LCORL: variants seen among roughly 807,000 people sequenced by gnomAD.
LCORL encodes ligand-dependent nuclear receptor corepressor-like protein.
In LCORL, 41 loss-of-function variants were observed where a neutral mutation model predicts 141.8. The observed-to-expected ratio is 0.29, with a 90% CI of 0.23 to 0.38. The LOEUF (loss-of-function observed/expected upper bound fraction) is 0.38, where lower values mean the gene tolerates loss of function less well. LCORL is among the 10% of genes least tolerant of loss of function. The pLI is 1.00. For synonymous variants in LCORL, 618 were observed against 694.1 expected, an observed-to-expected ratio of 0.89 and a Z score of 1.72; for missense variants, 1,759 against 2,035.0, an observed-to-expected ratio of 0.86 and a Z score of 2.61.
intron 1 of LCORL, among the ~76,000 whole-genome samples, chr4:18,008,445 C>T (rs1723156282): frequency 6.6e-6 from 1 of 152,156 alleles, no homozygotes. Flanking sequence ...AACAGCACTA[C>T]TAAAGTTTTA....
At chr4:17,967,721 A>G (rs1012019666) in intron 2 of LCORL, among the ~76,000 whole-genome samples, 2 of 152,190 alleles carry the variant, frequency 1.3e-5, no homozygotes, top group African/African-American at 4.8e-5. Flanking sequence ...CAGTCTTTGT[A>G]TTACAAGCAT....
At chr4:17,981,805 C>T (rs889915962) in intron 1 of LCORL, among the ~76,000 whole-genome samples, 1 of 152,014 alleles carries the variant, frequency 6.6e-6, no homozygotes, top group African/African-American at 2.4e-5. Context: ...CATAGGCAAA[C>T]TGATGTCACA....
At chr4:17,922,692 C>A (rs1045121066) in intron 4 of LCORL, among the ~76,000 whole-genome samples, 3 of 152,112 alleles carry the variant, frequency 2.0e-5, no homozygotes, top group African/African-American at 7.2e-5. Context: ...AAGGTGCACA[C>A]ACAGCCTCGC....
At chr4:17,888,458 A>G (rs546683329) in intron 5 of LCORL, among the ~76,000 whole-genome samples, 5 of 152,168 alleles carry the variant, frequency 3.3e-5, no homozygotes, top group African/African-American at 1.2e-4. Flanking sequence ...TATGCCTCTC[A>G]AACTGCAGTA....
intron 2 of LCORL, among the ~76,000 whole-genome samples, chr4:17,967,606 T>C (rs1715159499): frequency 6.6e-6 from 1 of 152,174 alleles, no homozygotes; most frequent in Non-Finnish European, 1.5e-5. Flanking sequence ...TTACCACAAA[T>C]ATTTCCCATA....
chr4:18,010,722 G>A (rs1993637), intron 1 of LCORL, among the ~76,000 whole-genome samples: 10,629 of 152,088 alleles, frequency 0.07, 1,280 homozygotes, highest in African/African-American at 0.24. Flanking sequence ...AAAGCGCTGG[G>A]ATTACAAACG....
chr4:17,894,057 T>C (rs1184593780), intron 5 of LCORL, among the ~76,000 whole-genome samples: 1 of 152,104 alleles, frequency 6.6e-6, no homozygotes, highest in Non-Finnish European at 1.5e-5. Context: ...CCTCAGCATC[T>C]CAAAGTGCTG....
intron 5 of LCORL, among the ~76,000 whole-genome samples, chr4:17,901,804 A>G (rs1264023736): frequency 6.6e-6 from 1 of 152,168 alleles, no homozygotes; most frequent in African/African-American, 2.4e-5. Context: ...AAGACCAAAT[A>G]AACAGCAGAT....
chr4:18,001,168 C>A (rs571910392), intron 1 of LCORL, among the ~76,000 whole-genome samples: 1 of 152,122 alleles, frequency 6.6e-6, no homozygotes, highest in Non-Finnish European at 1.5e-5. Flanking sequence ...GAGACCCTGT[C>A]TCATAAACAA....
At chr4:17,881,084 T>C (rs1013448595) in intron 6 of LCORL, 4 of 982,088 alleles carry the variant, frequency 4.1e-6, no homozygotes, top group Non-Finnish European at 4.8e-6. Context: ...TGTCATTAGC[T>C]ACCAGAAATG....
At chr4:17,999,605 T>C (rs994139124) in intron 1 of LCORL, among the ~76,000 whole-genome samples, 4 of 152,340 alleles carry the variant, frequency 2.6e-5, no homozygotes, top group East Asian at 1.9e-4. Context: ...AATAAGTAAT[T>C]TGCAAGAGCA....
chr4:17,881,753 C>T (rs1476607491), intron 6 of LCORL: 8 of 962,264 alleles, frequency 8.3e-6, no homozygotes, highest in East Asian at 2.3e-4. Flanking sequence ...TTATGTAATG[C>T]ATTCAAAGCC....
At chr4:17,939,401 T>C (rs1737447708) in intron 4 of LCORL, among the ~76,000 whole-genome samples, 1 of 152,180 alleles carries the variant, frequency 6.6e-6, no homozygotes, top group Admixed American at 6.5e-5. Context: ...ATAATATAAA[T>C]AGGTTTTATG....
At chr4:17,899,426 G>A (rs1730535751) in intron 5 of LCORL, among the ~76,000 whole-genome samples, 1 of 152,186 alleles carries the variant, frequency 6.6e-6, no homozygotes, top group African/African-American at 2.4e-5. Flanking sequence ...CAGCCCTGAA[G>A]TACAGTGGGC....
In LCORL at chr4:17,925,699, G is replaced by A. The variant is rs576502969; in HGVS notation, c.431-16354C>T. On this transcript the variant is annotated intron_variant, in intron 4 of 7. Transcript: ENST00000635767. ...ATCCTGGCTAACATGGTGAAACCCC[G>A]TCTCTACTAAAAATACAAAAAATTA... 4.6e-4 allele frequency among the ~76,000 whole-genome samples: 70 copies of A among 151,702 alleles called. No homozygotes were observed. In the Middle Eastern group the frequency reaches 0.02, roughly 44 times the overall value.
At chr4:17,904,019 A>G (rs1731258023) in intron 5 of LCORL, among the ~76,000 whole-genome samples, 1 of 152,048 alleles carries the variant, frequency 6.6e-6, no homozygotes, top group African/African-American at 2.4e-5. Context: ...AATTTTTACA[A>G]GTATTTACAG....
chr4:17,884,100 A>G lies in LCORL; in HGVS notation c.776+1968T>C. ...GAGAGGTCCCCATGTAGAAAGTAAG[A>G]GTCAACACTTGAGTGAGTTACAGGC... On this transcript the variant is annotated intron_variant, in intron 6 of 7. Transcript: ENST00000635767. This position sits in a 1 kb window ranked among gnomAD's most constrained non-coding sequence, Gnocchi z 4.4. 1 of 1,550,710 alleles carries G rather than the reference A, an allele frequency of 6.4e-7. No homozygotes were observed. Among genetic ancestry groups the G allele is most frequent in the Non-Finnish European group, 8.7e-7 (1 of 1,146,332 alleles).
chr4:17,971,375 A>G (rs1218355446), intron 2 of LCORL, among the ~76,000 whole-genome samples: 1 of 151,894 alleles, frequency 6.6e-6, no homozygotes, highest in Non-Finnish European at 1.5e-5. Flanking sequence ...AATAAACTCA[A>G]CAACATAACT....
At chr4:17,902,263 C>A (rs145366513) in intron 5 of LCORL, among the ~76,000 whole-genome samples, 1 of 152,040 alleles carries the variant, frequency 6.6e-6, no homozygotes. Context: ...AGCAGGAGAG[C>A]GTAGGCCTAG....
Sources: allele counts gnomAD v4.1 joint callset (sites outside exome capture counted in the v4.1 genomes callset), GRCh38; gene constraint gnomAD v4.1.1; non-coding constraint Gnocchi (gnomAD v3.1); transcripts MANE v1.5; gene names NCBI Gene and HGNC (gene_info 2026-07-23, HGNC 2026-07-21).